Variants in CPED1 observed in about 807,000 individuals in gnomAD.
The protein encoded by CPED1 is cadherin like and PC-esterase domain containing 1.
In CPED1, 114 loss-of-function variants were observed where a neutral mutation model predicts 128.2. That is an observed-to-expected ratio of 0.89 (90% CI 0.76 to 1.04). The LOEUF (loss-of-function observed/expected upper bound fraction) is 1.04. Ranked by LOEUF, CPED1 falls within the 50% of genes least tolerant of loss-of-function variation. The pLI is 0.00. For missense variants in CPED1, 1,211 were observed against 1,207.1 expected (o/e 1.00, Z -0.05); for synonymous variants, 462 against 426.7 (o/e 1.08, Z -1.02).
At chr7:121,279,980 T>C (rs530915934) in intron 22 of CPED1, among the ~76,000 whole-genome samples, 1 of 152,284 alleles carries the variant, frequency 6.6e-6, no homozygotes, top group African/African-American at 2.4e-5. Flanking sequence ...CCGGAAGATC[T>C]TCTTTGAAAA....
chr7:121,106,044 G>T (rs779161636), intron 7 of CPED1, among the ~76,000 whole-genome samples: 7 of 152,102 alleles, frequency 4.6e-5, no homozygotes, highest in Non-Finnish European at 7.4e-5. Context: ...AGAGTTCCTG[G>T]CGCATGGCAG....
chr7:121,250,980 A>G (rs1475066697), intron 18 of CPED1, among the ~76,000 whole-genome samples: 11 of 152,200 alleles, frequency 7.2e-5, no homozygotes, highest in Non-Finnish European at 1.2e-4. Context: ...GGCCAGCATC[A>G]TCCTGATACT....
At chr7:121,290,884 A>G (rs938938487) in intron 22 of CPED1, among the ~76,000 whole-genome samples, 9 of 152,112 alleles carry the variant, frequency 5.9e-5, no homozygotes, top group Non-Finnish European at 7.4e-5. Context: ...GCCCATGCCT[A>G]TGTCCTGAAT....
intron 5 of CPED1, among the ~76,000 whole-genome samples, chr7:121,079,995 G>T (rs73215350): frequency 0.086 from 13,118 of 152,156 alleles, 623 homozygotes; most frequent in Middle Eastern, 0.14. Context: ...TCAGTTTTTT[G>T]ATCTAAATCC....
At chr7:121,204,954 G>A (rs1425879786) in intron 16 of CPED1, among the ~76,000 whole-genome samples, 1 of 152,084 alleles carries the variant, frequency 6.6e-6, no homozygotes, top group African/African-American at 2.4e-5. Flanking sequence ...AATGGGTGCT[G>A]TAGGCCACCT....
chr7:121,269,288 CGGAA>C (rs1228339702), intron 21 of CPED1, among the ~76,000 whole-genome samples: 4 of 151,992 alleles, frequency 2.6e-5, no homozygotes, highest in Admixed American at 2.6e-4. Context: ...ATTTAGCTAA[CGGAA>C]GGCTCCAGGT....
At chr7:121,129,707 G>GTA (rs991461727) in intron 11 of CPED1, among the ~76,000 whole-genome samples, 5 of 151,886 alleles carry the variant, frequency 3.3e-5, no homozygotes, top group African/African-American at 9.7e-5. Context: ...GGTTCTCACA[G>GTA]TAGAAAGGAG....
Position 121,215,254 on chromosome 7 carries a change from G to T in CPED1, c.2056-21460G>T, listed in dbSNP as rs117106037. Among the ~76,000 whole-genome samples, 586 of 152,072 alleles carry T rather than the reference G, an allele frequency of 3.9e-3. 2 individuals carry two copies. The highest frequency in any genetic ancestry group is 8.6e-3 in the Admixed American group (131 of 15,258). On this transcript the variant is annotated intron_variant, in intron 16 of 22. Coordinates refer to ENST00000310396, the MANE Select transcript of CPED1 (RefSeq NM_024913.5). Reference sequence around the variant, plus strand: ...GTCAGTTGCACTCATATTTCTATCTGTTAATGCAATAAACATGTAATAAAC... The same window carrying T: ...GTCAGTTGCACTCATATTTCTATCTTTTAATGCAATAAACATGTAATAAAC...
intron 22 of CPED1, among the ~76,000 whole-genome samples, chr7:121,278,070 A>C (rs186246185): frequency 2.4e-4 from 37 of 152,232 alleles, no homozygotes; most frequent in Admixed American, 7.2e-4. Context: ...GTTTTGGTAA[A>C]ATGTCGGGGC....
At chr7:121,179,431 A>G (rs559472077) in intron 16 of CPED1, among the ~76,000 whole-genome samples, 97 of 152,246 alleles carry the variant, frequency 6.4e-4, no homozygotes, top group African/African-American at 2.2e-3. Flanking sequence ...TTTAAAGGGT[A>G]GGGAGGATTA....
intron 16 of CPED1, among the ~76,000 whole-genome samples, chr7:121,173,222 A>T (rs750166140): frequency 6.6e-6 from 1 of 152,160 alleles, no homozygotes; most frequent in South Asian, 2.1e-4. Context: ...CTACCCTGTG[A>T]AACAGGTACT....
intron 2 of CPED1, among the ~76,000 whole-genome samples, chr7:121,010,389 T>C (rs2116795273): frequency 6.6e-6 from 1 of 152,238 alleles, no homozygotes; most frequent in African/African-American, 2.4e-5. Flanking sequence ...TAGCTGGGAT[T>C]ACAGGCACAC....
chr7:121,204,703 A>G (rs116141440), intron 16 of CPED1, among the ~76,000 whole-genome samples: 1 of 152,272 alleles, frequency 6.6e-6, no homozygotes, highest in African/African-American at 2.4e-5. Flanking sequence ...GGAAAGAATT[A>G]TAAACAGAAC....
chr7:121,091,535 C>T (rs911929377), intron 5 of CPED1, among the ~76,000 whole-genome samples: 5 of 152,012 alleles, frequency 3.3e-5, no homozygotes, highest in East Asian at 1.9e-4. Flanking sequence ...TTGAAATTTC[C>T]GAAGTTAGAA....
chr7:121,292,425 A>G (rs932490747), intron 22 of CPED1, among the ~76,000 whole-genome samples: 2 of 151,896 alleles, frequency 1.3e-5, no homozygotes, highest in Admixed American at 1.3e-4. Flanking sequence ...GTAACCTTTT[A>G]TCAAGGTTCT....
chr7:121,295,140 A>AACACACACACACACACACACACAC (rs35927183), intron 22 of CPED1, among the ~76,000 whole-genome samples: 49 of 145,864 alleles, frequency 3.4e-4, no homozygotes, highest in African/African-American at 1.2e-3. Flanking sequence ...CTGGCCTGAA[A>AACACACACACACACACACACACAC]ACACACACAC....
At chr7:121,078,657 A>G (rs1175967348) in intron 5 of CPED1, among the ~76,000 whole-genome samples, 1 of 152,094 alleles carries the variant, frequency 6.6e-6, no homozygotes, top group Non-Finnish European at 1.5e-5. Context: ...GATGGAGAAG[A>G]TGGCTGCCAG....
intron 4 of CPED1, chr7:121,050,760 G>A (rs907774863): frequency 3.3e-5 from 15 of 453,714 alleles, no homozygotes; most frequent in Admixed American, 2.4e-4. Context: ...CACCGTGCCC[G>A]GCCACAGGTT....
In CPED1 at chr7:121,156,691, A is replaced by G. The variant is rs78409989; in HGVS notation, c.2055+14550A>G. On this transcript the variant is annotated intron_variant, in intron 16 of 22. Coordinates refer to ENST00000310396, the MANE Select transcript of CPED1 (RefSeq NM_024913.5). ...GGTTACCAGAAGCCAGAAATGATAG[A>G]AGGAGGATGGAAGGAAAAAAGAATA... 9.5e-3 allele frequency among the ~76,000 whole-genome samples: 1,191 copies of G among 125,762 alleles called. 11 individuals carry two copies. Among genetic ancestry groups the G allele is most frequent in the African/African-American group, 0.028 (1,076 of 38,404 alleles). The allele number at this position is 125,762 out of a possible 152,430, so 82.5% of individuals were successfully genotyped here. A position where few individuals can be genotyped will look rare whatever the true frequency, so the allele number is the denominator to read the frequency against.
Sources: gnomAD v4.1 joint callset for allele counts (sites outside exome capture counted in the v4.1 genomes callset) on GRCh38, gnomAD v4.1.1 for gene constraint, MANE v1.5 for transcripts, NCBI Gene and HGNC (gene_info 2026-07-23, HGNC 2026-07-21) for gene names.